The following ASIC2 variants were observed in gnomAD, a reference collection of about 807,000 sequenced individuals.
ASIC2 encodes acid sensing ion channel subunit 2.
ASIC2 carries 25 observed loss-of-function variants against 57.3 expected under a neutral mutation model. That is an observed-to-expected ratio of 0.44 (90% CI 0.32 to 0.61). ASIC2 has a LOEUF of 0.61. Ranked by LOEUF, ASIC2 falls within the 20% of genes least tolerant of loss-of-function variation. ASIC2 has a pLI of 0.06. For synonymous variants in ASIC2, 319 were observed against 307.5 expected (o/e 1.04, Z -0.39); for missense variants, 641 against 738.1 (o/e 0.87, Z 1.52).
At chr17:33,174,934 C>A (rs1216042818) in intron 1 of ASIC2, among the ~76,000 whole-genome samples, 1 of 152,136 alleles carries the variant, frequency 6.6e-6, no homozygotes, top group Non-Finnish European at 1.5e-5. Context: ...CCCTACTGGC[C>A]CTGGTGTCTC....
At chr17:34,102,902 T>C (rs1233025662) in intron 1 of ASIC2, among the ~76,000 whole-genome samples, 1 of 152,248 alleles carries the variant, frequency 6.6e-6, no homozygotes, top group Non-Finnish European at 1.5e-5. Context: ...TCTCCAGTAA[T>C]GGACAGGCAT....
intron 1 of ASIC2, among the ~76,000 whole-genome samples, chr17:33,652,064 G>T (rs1393574064): frequency 6.6e-6 from 1 of 152,164 alleles, no homozygotes; most frequent in African/African-American, 2.4e-5. Flanking sequence ...CTGTGAAATG[G>T]GGAGGCTGCC....
intron 1 of ASIC2, among the ~76,000 whole-genome samples, chr17:33,723,997 T>C (rs1909466850): frequency 6.6e-6 from 1 of 152,174 alleles, no homozygotes; most frequent in Non-Finnish European, 1.5e-5. Flanking sequence ...GCATCTTGAA[T>C]TGTAGCTCCC....
chr17:34,097,328 AG>A (rs1910583005), intron 1 of ASIC2, among the ~76,000 whole-genome samples: 1 of 151,924 alleles, frequency 6.6e-6, no homozygotes, highest in East Asian at 1.9e-4. Context: ...ATGCAGGAAG[AG>A]TAGTTTGGGT....
At chr17:33,370,849 G>A (rs553782779) in intron 1 of ASIC2, among the ~76,000 whole-genome samples, 2 of 152,314 alleles carry the variant, frequency 1.3e-5, no homozygotes, top group Admixed American at 1.3e-4. Flanking sequence ...CAGACCCCAA[G>A]TTCTTGGATC....
chr17:33,096,911 C>A (rs1264476146), intron 2 of ASIC2, among the ~76,000 whole-genome samples: 4 of 152,106 alleles, frequency 2.6e-5, no homozygotes, highest in Non-Finnish European at 4.4e-5. Flanking sequence ...GTGGCAGGGA[C>A]AAGGCCAGAG....
chr17:33,643,073 A>G (rs559046349), intron 1 of ASIC2, among the ~76,000 whole-genome samples: 10 of 152,330 alleles, frequency 6.6e-5, no homozygotes, highest in African/African-American at 2.2e-4. Context: ...CATGACCCAC[A>G]GTAGGAAATA....
At chr17:33,085,254 C>T (rs2092130187) in intron 3 of ASIC2, among the ~76,000 whole-genome samples, 1 of 152,208 alleles carries the variant, frequency 6.6e-6, no homozygotes, top group Non-Finnish European at 1.5e-5. Context: ...GTAGCTGCCA[C>T]ATTTTATGGA....
intron 1 of ASIC2, among the ~76,000 whole-genome samples, chr17:33,706,815 A>G (rs901322744): frequency 5.9e-5 from 9 of 152,094 alleles, no homozygotes; most frequent in African/African-American, 1.9e-4. Context: ...AGATCTCCTC[A>G]TCTTCTTGGT....
chr17:33,629,617 T>C (rs556921426), intron 1 of ASIC2, among the ~76,000 whole-genome samples: 2 of 152,264 alleles, frequency 1.3e-5, no homozygotes, highest in South Asian at 4.2e-4. Context: ...AATATTTCCC[T>C]GGGAGAGCTG....
At chr17:33,060,622 T>C (rs1230639412) in intron 3 of ASIC2, among the ~76,000 whole-genome samples, 1 of 152,230 alleles carries the variant, frequency 6.6e-6, no homozygotes, top group Non-Finnish European at 1.5e-5. Flanking sequence ...TCTTTTGGTT[T>C]AGGATTGACT....
intron 1 of ASIC2, among the ~76,000 whole-genome samples, chr17:33,586,299 AG>A (rs1353378123): frequency 2.6e-5 from 4 of 152,012 alleles, no homozygotes; most frequent in Non-Finnish European, 5.9e-5. Flanking sequence ...TTTACCATCT[AG>A]GGGGGCAGGG....
chr17:33,461,810 G>A (rs775433051), intron 1 of ASIC2, among the ~76,000 whole-genome samples: 1 of 152,120 alleles, frequency 6.6e-6, no homozygotes, highest in Admixed American at 6.5e-5. Flanking sequence ...CACATGACTA[G>A]ATATTAAAGG....
chr17:33,381,056 C>T (rs1169370242), intron 1 of ASIC2, among the ~76,000 whole-genome samples: 1 of 152,160 alleles, frequency 6.6e-6, no homozygotes, highest in Non-Finnish European at 1.5e-5. Context: ...GGGTTTGGGC[C>T]AGGAGAAGGA....
At chr17:34,085,937 T>G (rs1441927235) in intron 1 of ASIC2, among the ~76,000 whole-genome samples, 5 of 151,848 alleles carry the variant, frequency 3.3e-5, no homozygotes, top group African/African-American at 1.2e-4. Context: ...CGTTTTTTCT[T>G]TATTAGTCTT....
At chr17:33,590,395 G>C (rs1169823015) in intron 1 of ASIC2, among the ~76,000 whole-genome samples, 3 of 152,130 alleles carry the variant, frequency 2.0e-5, no homozygotes, top group African/African-American at 7.2e-5. Flanking sequence ...CTGGCCTGAG[G>C]AAGCAAAGGG....
chr17:34,140,608 CA>C (rs1912246703), intron 1 of ASIC2, among the ~76,000 whole-genome samples: 1 of 152,020 alleles, frequency 6.6e-6, no homozygotes, highest in African/African-American at 2.4e-5. Context: ...AAAAAACTTT[CA>C]AAAAATACAG....
At chr17:33,980,942 A>ATTTTTTTTTTTCTTTTTTTTTTTTTTT (rs1905594230) in intron 1 of ASIC2, 1 of 130,556 alleles carries the variant, frequency 7.7e-6, no homozygotes, top group Non-Finnish European at 1.6e-5. Flanking sequence ...CTCAAGTGTA[A>ATTTTTTTTTTTCTTTTTTTTTTTTTTT]TTTTTTTTTT....
At chr17:33,021,152 C>A in intron 7 of ASIC2, 67 bp downstream of exon 7, 1 of 1,145,390 alleles carries the variant, frequency 8.7e-7, no homozygotes, top group Non-Finnish European at 1.3e-6. Flanking sequence ...TCCCATCCAC[C>A]TGTGCATCCT....
Sources: gnomAD v4.1 joint callset for allele counts (sites outside exome capture counted in the v4.1 genomes callset) on GRCh38, gnomAD v4.1.1 for gene constraint, MANE v1.5 for transcripts, NCBI Gene and HGNC (gene_info 2026-07-23, HGNC 2026-07-21) for gene names.